Variants in CENATAC observed in about 807,000 individuals in gnomAD.
The protein encoded by CENATAC is coiled-coil domain containing 84.
CENATAC carries 53 observed loss-of-function variants against 53.7 expected under a neutral mutation model. That is an observed-to-expected ratio of 0.99 (90% confidence interval 0.79 to 1.24). CENATAC has a LOEUF of 1.24. Ranked by LOEUF, CENATAC falls within the 50% of genes most tolerant of loss-of-function variation. The pLI, the probability that CENATAC is intolerant of heterozygous loss-of-function variation, is 0.00. For missense variants in CENATAC, 474 were observed against 417.8 expected (o/e 1.13, Z -1.17); for synonymous variants, 156 against 144.6 (o/e 1.08, Z -0.57).
intron 3 of CENATAC, chr11:119,010,211 A>T (rs1942800208): frequency 6.5e-6 from 1 of 152,708 alleles, no homozygotes; most frequent in African/African-American, 2.4e-5. Flanking sequence ...TCTTCTGAGG[A>T]TGTGAAGTAA....
chr11:119,003,528 C>T, intron 3 of CENATAC: 1 of 367,548 alleles, frequency 2.7e-6, no homozygotes, highest in Non-Finnish European at 5.3e-6. Flanking sequence ...GAACTCCTGA[C>T]CTCAAATGAT....
At chr11:119,014,654 G>C (rs532299135) in intron 8 of CENATAC, 1 of 174,338 alleles carries the variant, frequency 5.7e-6, no homozygotes, top group African/African-American at 2.4e-5. Context: ...GCAACTGAAA[G>C]ATCACCGATT....
chr11:119,004,256 T>A (rs1942464558), intron 3 of CENATAC, among the ~76,000 whole-genome samples: 2 of 152,124 alleles, frequency 1.3e-5, no homozygotes, highest in African/African-American at 4.8e-5. Flanking sequence ...TTTTCAGATT[T>A]TTTTTTTTTG....
chr11:119,003,377 T>G (rs1007550084), intron 3 of CENATAC: 1 of 527,990 alleles, frequency 1.9e-6, no homozygotes, highest in Admixed American at 2.0e-5. Context: ...CAACACTGCC[T>G]TCTTGGCCTT....
intron 3 of CENATAC, among the ~76,000 whole-genome samples, chr11:119,006,091 T>A (rs1470958813): frequency 7.6e-6 from 1 of 131,416 alleles, no homozygotes; most frequent in Admixed American, 7.4e-5. Flanking sequence ...TTTTTTTTTT[T>A]TTTTTTTTTT....
Position 119,015,647 on chromosome 11 carries a change from C to A in CENATAC, c.*49C>A. ...GAGGCTAAAAGCAAAGTCAACAAACCCCTATTATACCTTCCACCAAATTCT... is the reference window on the plus strand; with the variant it reads ...GAGGCTAAAAGCAAAGTCAACAAACACCTATTATACCTTCCACCAAATTCT... On this transcript the variant is annotated 3_prime_UTR_variant, in exon 11 of 11. Transcript: ENST00000334418. 6.5e-7 allele frequency: 1 copy of A among 1,547,854 alleles called. No individual in the cohort carries two copies. Among genetic ancestry groups the A allele is most frequent in the Non-Finnish European group, 8.9e-7 (1 of 1,122,888 alleles).
At position 118,998,569 on chromosome 11, in the gene CENATAC, G is replaced by A; in HGVS notation, c.260G>A (p.Gly87Glu). The A allele has an allele frequency of 6.4e-7, 1 of 1,571,912 alleles. No individual in the cohort carries two copies. Among genetic ancestry groups the A allele is most frequent in the Non-Finnish European group, 8.6e-7 (1 of 1,157,782 alleles). The change falls in exon 2 of 11, where the codon GGG (glycine) becomes GAG (glutamate). Residue 87 changes from glycine to glutamate, a missense_variant. By Grantham distance (98) the Gly-to-Glu change is moderately conservative (BLOSUM62 -2). Coordinates refer to ENST00000334418, the MANE Select transcript of CENATAC (RefSeq NM_198489.3). ...CATGGAAACCTGACGGTGCTGTACGGGGGGCTGCTGGAGCATCTGGCCAGG... is the reference window on the plus strand; with the variant it reads ...CATGGAAACCTGACGGTGCTGTACGAGGGGCTGCTGGAGCATCTGGCCAGG... ...LSHGNLTVLY[G>E]GLLEHLASPE...
chr11:119,013,758 C>T (rs889200595), intron 8 of CENATAC, among the ~76,000 whole-genome samples: 4 of 151,046 alleles, frequency 2.6e-5, no homozygotes, highest in South Asian at 2.1e-4. Flanking sequence ...CCACCGTGCC[C>T]GGACTTTTTT....
At position 119,008,398 on chromosome 11, in the gene CENATAC, T is replaced by G. The variant is rs187562046; in HGVS notation, c.384-2366T>G. 4.5e-4 allele frequency among the ~76,000 whole-genome samples: 69 copies of G among 152,272 alleles called. 2 individuals are homozygous for G. In the East Asian group the frequency reaches 9.4e-3, roughly 21 times the overall value. On this transcript the variant is annotated intron_variant, in intron 3 of 10. Transcript: ENST00000334418. The stretch of plus-strand genomic sequence containing the variant: ...AAAAGAATGTATATCACGATTAAGT[T>G]CAAGGGAAAGTACTATGCCTGGACG...
In CENATAC at chr11:118,998,141, G is replaced by A; in HGVS notation, c.-57G>A. 6.5e-7 allele frequency: 1 copy of A among 1,548,154 alleles called. No individual in the cohort carries two copies. On this transcript the variant is annotated 5_prime_UTR_variant, in exon 1 of 11. Transcript: ENST00000334418. ...CCCACCCCGAGGGGTCAGGGTCAGA[G>A]GCCGCCGGATGGCGTAGGATCGGCC...
chr11:119,000,024 G>T (rs187400590), intron 3 of CENATAC, among the ~76,000 whole-genome samples: 1 of 152,112 alleles, frequency 6.6e-6, no homozygotes, highest in Non-Finnish European at 1.5e-5. Flanking sequence ...TGACTCACCC[G>T]CCTTGGCCTC....
intron 7 of CENATAC, 45 bp from the exon 8 acceptor site, chr11:119,013,187 T>C: frequency 1.3e-6 from 2 of 1,485,012 alleles, no homozygotes; most frequent in Non-Finnish European, 1.9e-6. Context: ...TTTTTAATCA[T>C]GCCTAGACTT....
At chr11:119,014,202 G>A (rs1359544802) in intron 8 of CENATAC, 4 of 152,248 alleles carry the variant, frequency 2.6e-5, no homozygotes, top group Admixed American at 2.6e-4. Context: ...CAATTCAGAT[G>A]TCTATCAACA....
At chr11:119,002,817 G>C (rs1029946477) in intron 3 of CENATAC, among the ~76,000 whole-genome samples, 13 of 150,444 alleles carry the variant, frequency 8.6e-5, no homozygotes, top group African/African-American at 2.9e-4. Context: ...ATGGAGTCTC[G>C]CTCTGTTGTC....
At chr11:119,012,328 A>G (rs969255111) in intron 7 of CENATAC, 74 bp downstream of exon 7, 2 of 1,517,368 alleles carry the variant, frequency 1.3e-6, no homozygotes, top group African/African-American at 1.4e-5. Context: ...CTGATTTTCT[A>G]CCTATTCAAG....
chr11:119,014,906 T>C, intron 8 of CENATAC, 88 bp from the exon 9 acceptor site: 1 of 848,292 alleles, frequency 1.2e-6, no homozygotes, highest in Non-Finnish European at 1.8e-6. Flanking sequence ...TAGCTCTTAA[T>C]GAGGAGAGGT....
intron 3 of CENATAC, chr11:119,004,601 A>G: frequency 6.6e-6 from 1 of 152,178 alleles, no homozygotes. Flanking sequence ...ATATAGTCCT[A>G]CCTACTCTGG....
intron 3 of CENATAC, among the ~76,000 whole-genome samples, chr11:119,000,345 T>C (rs1399953806): frequency 6.6e-6 from 1 of 152,130 alleles, no homozygotes; most frequent in Non-Finnish European, 1.5e-5. Flanking sequence ...ATAAAAGCTG[T>C]GTTTTCAATA....
Position 119,015,711 on chromosome 11 carries a change from A to G in CENATAC, c.*113A>G. The G allele has an allele frequency of 7.7e-7, 1 of 1,298,362 alleles. No individual in the cohort carries two copies. The highest frequency in any genetic ancestry group is 1.1e-6 in the Non-Finnish European group (1 of 912,418). 80.4% of individuals were successfully genotyped at this position (1,298,362 alleles called of 1,614,324 possible). A position where few individuals can be genotyped will look rare whatever the true frequency, so the allele number is the denominator to read the frequency against. On this transcript the variant is annotated 3_prime_UTR_variant, in exon 11 of 11. Transcript: ENST00000334418. The stretch of plus-strand genomic sequence containing the variant: ...TCTTAGGAAACAGACATACTCATTC[A>G]TTTGATTTAATAAAGTTTTATTTTT...
Sources: gnomAD v4.1 joint callset for allele counts (sites outside exome capture counted in the v4.1 genomes callset) on GRCh38, gnomAD v4.1.1 for gene constraint, MANE v1.5 for transcripts, NCBI Gene and HGNC (gene_info 2026-07-23, HGNC 2026-07-21) for gene names.